SHANK2: variants seen among roughly 807,000 people sequenced by gnomAD.
SHANK2 encodes SH3 and multiple ankyrin repeat domains protein 2.
Under a neutral mutation model 133.7 loss-of-function variants are expected in SHANK2, and 43 were observed. The observed-to-expected ratio is 0.32, with a 90% confidence interval of 0.25 to 0.41. SHANK2 has a LOEUF of 0.41. Among genes scored for constraint, SHANK2 ranks in the 10% least tolerant of loss-of-function variants. The pLI is 1.00. For synonymous variants in SHANK2, 1,017 were observed against 952.8 expected (o/e 1.07, Z -1.24); for missense variants, 1,994 against 2,235.8 (o/e 0.89, Z 2.18).
Position 71,252,170 on chromosome 11 carries a change from G to C in SHANK2, c.-113+255C>G, listed in dbSNP as rs1948196480. On this transcript the variant is annotated intron_variant, in intron 1 of 25. Coordinates refer to ENST00000601538, the MANE Select transcript of SHANK2 (RefSeq NM_012309.5). This position sits in a 1 kb window ranked among gnomAD's most constrained non-coding sequence, Gnocchi z 6.3. ...CGCCGCTTCCAAAGCTTTCGACACCGGCCCCTGCCCGGGAAGAAAGGCATG... is the reference window on the plus strand; with the variant it reads ...CGCCGCTTCCAAAGCTTTCGACACCCGCCCCTGCCCGGGAAGAAAGGCATG... Among the ~76,000 whole-genome samples, 2 of 152,120 alleles carry C rather than the reference G, an allele frequency of 1.3e-5. No individual in the cohort carries two copies. Among genetic ancestry groups the C allele is most frequent in the African/African-American group, 2.4e-5 (1 of 41,448 alleles).
chr11:71,092,616 G>A (rs782492162), intron 7 of SHANK2, 27 bp from the exon 8 acceptor site: 34 of 1,548,254 alleles, frequency 2.2e-5, no homozygotes, highest in East Asian at 7.3e-5. Context: ...GAAAGCCGTC[G>A]TTATTGGTCT....
intron 14 of SHANK2, among the ~76,000 whole-genome samples, chr11:70,762,238 C>T (rs781979326): frequency 6.6e-6 from 1 of 152,170 alleles, no homozygotes; most frequent in Non-Finnish European, 1.5e-5. Context: ...GTTTTACAAA[C>T]GTGGCCTGAA....
intron 10 of SHANK2, among the ~76,000 whole-genome samples, chr11:70,930,568 C>T (rs1213502955): frequency 1.3e-5 from 2 of 151,962 alleles, no homozygotes. Context: ...AAGCCACTCT[C>T]AAGTCACTGC....
intron 12 of SHANK2, among the ~76,000 whole-genome samples, chr11:70,819,136 T>G (rs1948465392): frequency 6.6e-6 from 1 of 152,218 alleles, no homozygotes; most frequent in Admixed American, 6.5e-5. Context: ...GCCTCAGCAC[T>G]GAATGCCGAC....
intron 17 of SHANK2, among the ~76,000 whole-genome samples, chr11:70,636,254 C>A (rs142192218): frequency 3.3e-5 from 5 of 152,074 alleles, no homozygotes; most frequent in African/African-American, 7.2e-5. Context: ...TATGAGCATG[C>A]GTGTATGCGA....
At chr11:70,686,682 C>T (rs1422871990) in intron 15 of SHANK2, among the ~76,000 whole-genome samples, 5 of 152,306 alleles carry the variant, frequency 3.3e-5, no homozygotes, top group East Asian at 1.9e-4. Flanking sequence ...AAAGGCAGTC[C>T]TGCATGGCCC....
At chr11:71,137,626 C>T (rs1255959968) in intron 3 of SHANK2, among the ~76,000 whole-genome samples, 1 of 152,178 alleles carries the variant, frequency 6.6e-6, no homozygotes, top group African/African-American at 2.4e-5. Flanking sequence ...GGCCGAGAAG[C>T]CCTCCCGCCA....
chr11:70,770,897 T>TTCCC (rs2135046642), intron 14 of SHANK2, among the ~76,000 whole-genome samples: 1 of 147,144 alleles, frequency 6.8e-6, no homozygotes, highest in South Asian at 2.3e-4. Flanking sequence ...CCTTCTCTCC[T>TTCCC]TCCCTCCCTC....
At chr11:70,919,389 T>TC (rs1246520490) in intron 10 of SHANK2, among the ~76,000 whole-genome samples, 2 of 151,024 alleles carry the variant, frequency 1.3e-5, no homozygotes, top group Admixed American at 6.6e-5. Flanking sequence ...TTTTTTTAAC[T>TC]CTTTTTTTTT....
chr11:70,481,200 T>C (rs579298), intron 25 of SHANK2, among the ~76,000 whole-genome samples: 2 of 152,062 alleles, frequency 1.3e-5, no homozygotes, highest in African/African-American at 4.8e-5. Context: ...TCTAATATGA[T>C]GTACTTTTTT....
chr11:70,792,406 A>G (rs1420199773), intron 14 of SHANK2, among the ~76,000 whole-genome samples: 1 of 150,050 alleles, frequency 6.7e-6, no homozygotes, highest in Non-Finnish European at 1.5e-5. Flanking sequence ...CAACCAACCA[A>G]CCAACCAACC....
At chr11:70,551,047 G>C (rs1488355624) in intron 17 of SHANK2, among the ~76,000 whole-genome samples, 1 of 152,218 alleles carries the variant, frequency 6.6e-6, no homozygotes, top group African/African-American at 2.4e-5. Context: ...CAAGGGGCTG[G>C]AGTGCCAGCG....
At chr11:70,677,889 G>A (rs782490950) in intron 15 of SHANK2, among the ~76,000 whole-genome samples, 59 of 152,196 alleles carry the variant, frequency 3.9e-4, no homozygotes, top group Non-Finnish European at 6.8e-4. Context: ...TGTCCCAGTT[G>A]TAGGCTCGCT....
chr11:70,482,890 G>A (rs1271382352), intron 25 of SHANK2, among the ~76,000 whole-genome samples: 1 of 152,202 alleles, frequency 6.6e-6, no homozygotes, highest in African/African-American at 2.4e-5. Flanking sequence ...GACGCTGCAA[G>A]TTGGGGTCCC....
chr11:70,855,608 G>A (rs985567888), intron 11 of SHANK2, among the ~76,000 whole-genome samples: 2 of 152,334 alleles, frequency 1.3e-5, no homozygotes, highest in East Asian at 3.9e-4. Context: ...TTCAAATCCT[G>A]GTCTCCAACT....
chr11:71,201,042 C>T (rs780574352), intron 2 of SHANK2, among the ~76,000 whole-genome samples: 52 of 152,240 alleles, frequency 3.4e-4, no homozygotes, highest in Non-Finnish European at 6.6e-4. Flanking sequence ...CCCACACCGA[C>T]CTCCCCCGAG....
At chr11:70,591,908 A>T (rs1304275934) in intron 17 of SHANK2, among the ~76,000 whole-genome samples, 3 of 151,886 alleles carry the variant, frequency 2.0e-5, no homozygotes, top group African/African-American at 2.4e-5. Flanking sequence ...AGTCCCAGCT[A>T]CTCGGGAGGC....
intron 8 of SHANK2, among the ~76,000 whole-genome samples, chr11:71,090,088 C>CGTGTGTGTGT (rs1302645293): frequency 7.1e-6 from 1 of 141,138 alleles, no homozygotes; most frequent in Non-Finnish European, 1.6e-5. Flanking sequence ...AGACACAGAA[C>CGTGTGTGTGT]GTGTGTGTGT....
At chr11:71,198,048 T>C (rs1953943908) in intron 2 of SHANK2, among the ~76,000 whole-genome samples, 1 of 152,164 alleles carries the variant, frequency 6.6e-6, no homozygotes, top group South Asian at 2.1e-4. Flanking sequence ...CTGTGTGCCG[T>C]TTCCGGTCAG....
Sources: gnomAD v4.1 joint callset for allele counts (sites outside exome capture counted in the v4.1 genomes callset) on GRCh38, gnomAD v4.1.1 for gene constraint, Gnocchi (gnomAD v3.1) non-coding constraint, MANE v1.5 for transcripts, NCBI Gene and HGNC (gene_info 2026-07-23, HGNC 2026-07-21) for gene names.